Variants in SLC14A2 observed in about 807,000 individuals in gnomAD.
SLC14A2 encodes the protein solute carrier family 14 member 2.
SLC14A2 carries 91 observed loss-of-function variants against 104.6 expected under a neutral mutation model. That is an observed-to-expected ratio of 0.87 (90% CI 0.73 to 1.04). The LOEUF (loss-of-function observed/expected upper bound fraction) is 1.04. Among genes scored for constraint, SLC14A2 ranks in the 50% least tolerant of loss-of-function variants. The pLI, the probability that SLC14A2 is intolerant of heterozygous loss-of-function variation, is 0.00. For missense variants in SLC14A2, 1,189 were observed against 1,156.0 expected, an observed-to-expected ratio of 1.03 and a Z score of -0.41; for synonymous variants, 476 against 466.4, an observed-to-expected ratio of 1.02 and a Z score of -0.27.
At chr18:45,372,521 G>A (rs2085734008) in intron 1 of SLC14A2, among the ~76,000 whole-genome samples, 1 of 152,124 alleles carries the variant, frequency 6.6e-6, no homozygotes, top group Non-Finnish European at 1.5e-5. Context: ...TTTAAAATGT[G>A]AACACCTGAA....
chr18:45,495,195 AAGAC>A (rs1005497846), intron 2 of SLC14A2, among the ~76,000 whole-genome samples: 3 of 152,210 alleles, frequency 2.0e-5, no homozygotes, highest in South Asian at 2.1e-4. Flanking sequence ...GAAGAAAGAA[AAGAC>A]AGACAGAGGA....
At chr18:45,543,050 G>A (rs998202819) in intron 2 of SLC14A2, among the ~76,000 whole-genome samples, 9 of 152,034 alleles carry the variant, frequency 5.9e-5, no homozygotes, top group African/African-American at 2.2e-4. Flanking sequence ...CCGGGTTAAA[G>A]TGATCCTCCT....
intron 2 of SLC14A2, among the ~76,000 whole-genome samples, chr18:45,563,033 G>A (rs2044221566): frequency 1.3e-5 from 2 of 152,152 alleles, no homozygotes; most frequent in Non-Finnish European, 2.9e-5. Context: ...CTTTGAAAAT[G>A]AAAACATTAA....
At chr18:45,215,351 G>C (rs1410239246) in intron 1 of SLC14A2, among the ~76,000 whole-genome samples, 1 of 152,078 alleles carries the variant, frequency 6.6e-6, no homozygotes, top group African/African-American at 2.4e-5. Context: ...CTGTGGCCTA[G>C]TCAACTTTTA....
chr18:45,531,629 A>T (rs1034979174), intron 2 of SLC14A2, among the ~76,000 whole-genome samples: 30 of 152,114 alleles, frequency 2.0e-4, no homozygotes, highest in African/African-American at 6.8e-4. Context: ...GGTTGCAAAC[A>T]TTTTCTCCCA....
At chr18:45,313,882 T>C (rs1212359473) in intron 1 of SLC14A2, among the ~76,000 whole-genome samples, 2 of 152,242 alleles carry the variant, frequency 1.3e-5, no homozygotes, top group Admixed American at 6.5e-5. Flanking sequence ...TTACCTTCAC[T>C]ATGCCATCCC....
intron 1 of SLC14A2, among the ~76,000 whole-genome samples, chr18:45,459,384 G>A (rs765769685): frequency 6.6e-6 from 1 of 152,170 alleles, no homozygotes; most frequent in Non-Finnish European, 1.5e-5. Flanking sequence ...GTGCTGTTGT[G>A]CCCTCACCTC....
chr18:45,360,858 A>G (rs996857858), intron 1 of SLC14A2, among the ~76,000 whole-genome samples: 11 of 152,132 alleles, frequency 7.2e-5, no homozygotes, highest in Non-Finnish European at 1.5e-5. Flanking sequence ...AGAAGGGGAG[A>G]TTTTGTAGTG....
At chr18:45,450,354 T>G (rs1176057321) in intron 1 of SLC14A2, among the ~76,000 whole-genome samples, 1 of 152,244 alleles carries the variant, frequency 6.6e-6, no homozygotes. Context: ...GCCTTTGGTT[T>G]AGTCTTAACC....
rs902021756 is a variant in SLC14A2, at chr18:45,438,818, C to T, written c.-124-44415C>T. On this transcript the variant is annotated intron_variant, in intron 1 of 20. Coordinates refer to the SLC14A2 transcript ENST00000586448. ...AAGAATTCCTGTCCATATAAGAATT[C>T]ATCAAGGAGCTGTGGGGGACATACA... Among the ~76,000 whole-genome samples the T allele has an allele frequency of 4.6e-5, 7 of 152,304 alleles. No individual in the cohort carries two copies. The South Asian group carries it at 1.2e-3, about 27-fold the overall frequency.
intron 1 of SLC14A2, among the ~76,000 whole-genome samples, chr18:45,319,855 G>A (rs1485965431): frequency 6.6e-6 from 1 of 152,168 alleles, no homozygotes; most frequent in African/African-American, 2.4e-5. Context: ...GAAATGCTGG[G>A]TTTTCTCCTT....
intron 2 of SLC14A2, among the ~76,000 whole-genome samples, chr18:45,544,878 C>T (rs1438457891): frequency 1.3e-5 from 2 of 150,344 alleles, no homozygotes; most frequent in East Asian, 1.9e-4. Flanking sequence ...CTGCAACCTC[C>T]GCCCCATGGG....
intron 2 of SLC14A2, among the ~76,000 whole-genome samples, chr18:45,524,700 G>T (rs562908791): frequency 6.6e-6 from 1 of 152,320 alleles, no homozygotes; most frequent in African/African-American, 2.4e-5. Context: ...TTCATGGAAA[G>T]AACACAGGAC....
At chr18:45,308,184 T>G (rs36043071) in intron 1 of SLC14A2, among the ~76,000 whole-genome samples, 1 of 152,022 alleles carries the variant, frequency 6.6e-6, no homozygotes, top group Non-Finnish European at 1.5e-5. Context: ...CACATTTCAA[T>G]ATGAGATTTG....
At chr18:45,581,887 C>CG (rs1490601697) in intron 2 of SLC14A2, among the ~76,000 whole-genome samples, 1 of 151,964 alleles carries the variant, frequency 6.6e-6, no homozygotes, top group Admixed American at 6.6e-5. Flanking sequence ...CCTCATTTCC[C>CG]CATTGTGTGC....
chr18:45,229,752 T>C (rs2084156579), intron 1 of SLC14A2, among the ~76,000 whole-genome samples: 1 of 152,226 alleles, frequency 6.6e-6, no homozygotes, highest in African/African-American at 2.4e-5. Context: ...CTCAATGGTC[T>C]CTTTACTCAA....
chr18:45,462,068 C>T (rs2087055350), intron 1 of SLC14A2, among the ~76,000 whole-genome samples: 1 of 152,118 alleles, frequency 6.6e-6, no homozygotes, highest in Non-Finnish European at 1.5e-5. Context: ...CAGAAAACAT[C>T]AAGTTATCAT....
chr18:45,432,005 G>A (rs2086524185), intron 1 of SLC14A2, among the ~76,000 whole-genome samples: 1 of 152,114 alleles, frequency 6.6e-6, no homozygotes, highest in African/African-American at 2.4e-5. Context: ...CACAACCCCT[G>A]GTTTATGTAG....
At chr18:45,625,438 T>G (rs1432656280) in intron 2 of SLC14A2, among the ~76,000 whole-genome samples, 1 of 152,210 alleles carries the variant, frequency 6.6e-6, no homozygotes, top group East Asian at 1.9e-4. Flanking sequence ...TGGGCTTCAT[T>G]AAACTGCCAA....
Sources: gnomAD v4.1 joint callset for allele counts (sites outside exome capture counted in the v4.1 genomes callset) on GRCh38, gnomAD v4.1.1 for gene constraint, MANE v1.5 for transcripts, NCBI Gene and HGNC (gene_info 2026-07-23, HGNC 2026-07-21) for gene names.